The following HECTD4 variants were observed in gnomAD, a reference collection of about 807,000 sequenced individuals.
The protein encoded by HECTD4 is HECT domain E3 ubiquitin protein ligase 4.
In HECTD4, 114 loss-of-function variants were observed where a neutral mutation model predicts 471.5. The ratio of observed to expected loss-of-function variants is 0.24; its 90% CI spans 0.21 to 0.28. The LOEUF is 0.28. HECTD4 is among the 10% of genes least tolerant of loss of function. HECTD4 has a pLI of 1.00. For synonymous variants in HECTD4, 2,012 were observed against 2,256.0 expected (o/e 0.89, Z 3.07); for missense variants, 3,866 against 5,651.5 (o/e 0.68, Z 10.13).
chr12:112,168,005 G>A, intron 70 of HECTD4, 88 bp from the exon 71 acceptor site: 3 of 1,089,482 alleles, frequency 2.8e-6, no homozygotes, highest in Non-Finnish European at 4.2e-6. Context: ...GGCTGGAGCG[G>A]CTACTCCTTC....
intron 4 of HECTD4, among the ~76,000 whole-genome samples, chr12:112,310,707 A>G (rs2035353738): frequency 6.6e-6 from 1 of 152,228 alleles, no homozygotes; most frequent in Admixed American, 6.5e-5. Flanking sequence ...AAAATTTGTT[A>G]AAGTGGGTAA....
At chr12:112,332,052 C>T (rs971059638) in intron 1 of HECTD4, among the ~76,000 whole-genome samples, 2 of 151,878 alleles carry the variant, frequency 1.3e-5, no homozygotes, top group South Asian at 2.1e-4. Flanking sequence ...ACAGAAGAGA[C>T]GGGTGGGAAG....
intron 5 of HECTD4, 105 bp from the exon 6 acceptor site, chr12:112,308,996 G>A: frequency 1.7e-6 from 2 of 1,159,422 alleles, no homozygotes; most frequent in Non-Finnish European, 2.4e-6. Flanking sequence ...TTTAAAAAAT[G>A]AGTAAGTATG....
rs2033481286 is a variant in HECTD4 at position 112,235,572 on chromosome 12, T to C, written c.5657A>G (p.Asp1886Gly). The C allele has an allele frequency of 1.2e-6, 2 of 1,613,960 alleles. No homozygotes were observed. Among genetic ancestry groups the C allele is most frequent in the Non-Finnish European group, 1.7e-6 (2 of 1,179,878 alleles). The change falls in exon 36 of 76, where the codon GAT becomes GGT. Residue 1886 changes from aspartate to glycine, a missense_variant. Around this residue, in one of 16 missense-constraint regions of HECTD4, gnomAD observed 617 missense variants for 915.1 expected, o/e 0.67. Transcript: ENST00000682272. This position sits in a 1 kb window ranked among gnomAD's most constrained non-coding sequence, Gnocchi z 5.0. ...SVPSLNSEQE[D>G]PSDPASKIAS... ...GATCTTGGAAGCTGGGTCGCTGGGA[T>C]CCTCCTGCTCACTGTTTAAGGAGGG...
chr12:112,268,688 G>A (rs943637450), intron 13 of HECTD4, among the ~76,000 whole-genome samples: 5 of 151,260 alleles, frequency 3.3e-5, no homozygotes, highest in Non-Finnish European at 7.4e-5. Flanking sequence ...GCCAGGAGGC[G>A]GAGATTGCGG....
intron 7 of HECTD4, among the ~76,000 whole-genome samples, chr12:112,289,838 A>T (rs1020440330): frequency 3.3e-5 from 5 of 151,938 alleles, no homozygotes; most frequent in Non-Finnish European, 1.5e-5. Flanking sequence ...CACCACGCCC[A>T]GCTAATTTTT....
rs2033017968 is a variant in HECTD4, at chr12:112,219,172, G to A, written c.7074+214C>T. On this transcript the variant is annotated intron_variant, in intron 45 of 75. Transcript: ENST00000682272. ...ATAAATTATGAAGTTTCGCTCCCCT[G>A]CTATAATTTTCCAATATTCAGAATG... Among the ~76,000 whole-genome samples, 3 of 152,204 alleles carry A rather than the reference G, an allele frequency of 2.0e-5. No homozygotes were observed. The South Asian group carries it at 6.2e-4, about 32-fold the overall frequency.
rs943083042 is a variant in HECTD4 at position 112,179,933 on chromosome 12, A to C, written c.10988-536T>G. Among the ~76,000 whole-genome samples the C allele has an allele frequency of 6.6e-6, 1 of 152,234 alleles. No individual in the cohort carries two copies. The highest frequency in any genetic ancestry group is 1.5e-5 in the Non-Finnish European group (1 of 68,020). On this transcript the variant is annotated intron_variant, in intron 62 of 75. Coordinates refer to ENST00000682272, the MANE Select transcript of HECTD4 (RefSeq NM_001388303.1). This position sits in a 1 kb window ranked among gnomAD's most constrained non-coding sequence, Gnocchi z 4.3. ...AACTGGCGCAATGAGCAGGTGAAAA[A>C]GAGTTTTCTGAGATACAAAAAAACT...
chr12:112,207,817 C>T (rs2032637438), intron 52 of HECTD4, 57 bp downstream of exon 52: 2 of 1,580,016 alleles, frequency 1.3e-6, no homozygotes, highest in Non-Finnish European at 1.7e-6. Flanking sequence ...GATTTTCATC[C>T]AGCTCCTCAC....
At chr12:112,165,496 C>T (rs899188281) in intron 72 of HECTD4, among the ~76,000 whole-genome samples, 25 of 151,720 alleles carry the variant, frequency 1.6e-4, no homozygotes, top group Admixed American at 1.5e-3. Flanking sequence ...GGACTACAGG[C>T]GCCCGCCACC....
chr12:112,289,589 T>C (rs2034832261), intron 7 of HECTD4, among the ~76,000 whole-genome samples: 1 of 152,170 alleles, frequency 6.6e-6, no homozygotes, highest in Non-Finnish European at 1.5e-5. Context: ...GGTTTTTTTT[T>C]CTAATGATAA....
chr12:112,172,380 A>G (rs2031258606), intron 67 of HECTD4, among the ~76,000 whole-genome samples: 1 of 152,256 alleles, frequency 6.6e-6, no homozygotes, highest in African/African-American at 2.4e-5. Flanking sequence ...CGGGGCCTCC[A>G]GGCAGCGGCC....
intron 19 of HECTD4, 111 bp downstream of exon 19, chr12:112,259,001 G>T: frequency 3.3e-6 from 3 of 896,916 alleles, no homozygotes; most frequent in African/African-American, 1.7e-5. Context: ...TATTTCCCTT[G>T]GTTTCTGAAA....
rs748477556 is a variant in HECTD4 at position 112,235,317 on chromosome 12, C to T, written c.5726-51G>A. On this transcript the variant is annotated intron_variant, in intron 36 of 75. Coordinates refer to ENST00000682272, the MANE Select transcript of HECTD4 (RefSeq NM_001388303.1). The surrounding 1 kb of genome is among the most constrained non-coding windows in gnomAD (Gnocchi z 5.0). ...CAGGAAAACTGCAGTGTTGTTTTGGCGGCTCTGCTAAAATGAAAAATAATG... is the reference window on the plus strand; with the variant it reads ...CAGGAAAACTGCAGTGTTGTTTTGGTGGCTCTGCTAAAATGAAAAATAATG... 1.2e-4 allele frequency: 182 copies of T among 1,560,914 alleles called. 1 individual carries two copies. The highest frequency in any genetic ancestry group is 1.4e-4 in the Non-Finnish European group (164 of 1,150,622).
chr12:112,334,637 C>CAAAAAAAAAAAAAAA, intron 1 of HECTD4, among the ~76,000 whole-genome samples: 1 of 45,264 alleles, frequency 2.2e-5, no homozygotes. Flanking sequence ...ACTAAAAATA[C>CAAAAAAAAAAAAAAA]AAAAAAAAAA....
intron 1 of HECTD4, among the ~76,000 whole-genome samples, chr12:112,348,592 A>G (rs2036197058): frequency 6.6e-6 from 1 of 152,084 alleles, no homozygotes; most frequent in African/African-American, 2.4e-5. Context: ...CCCTGTCTCT[A>G]TAAAAAAAAA....
chr12:112,286,243 G>A (rs943817089), intron 7 of HECTD4, among the ~76,000 whole-genome samples: 8 of 152,280 alleles, frequency 5.3e-5, no homozygotes, highest in African/African-American at 1.9e-4. Context: ...AAGCAGCCCA[G>A]GCTTCCTTCC....
chr12:112,340,482 G>T (rs971030173), intron 1 of HECTD4, among the ~76,000 whole-genome samples: 3 of 152,166 alleles, frequency 2.0e-5, no homozygotes, highest in Non-Finnish European at 4.4e-5. Context: ...TGTCTTCCAG[G>T]TGGCATCTGG....
chr12:112,298,881 CA>C lies in HECTD4; in HGVS notation c.1335+7182del, dbSNP rs374274010. 4.0e-3 allele frequency among the ~76,000 whole-genome samples: 359 copies of C among 90,264 alleles called. 5 individuals are homozygous for C. Among genetic ancestry groups the C allele is most frequent in the East Asian group, 0.031 (140 of 4,506 alleles). The allele number at this position is 90,264 out of a possible 152,430, so 59.2% of individuals were successfully genotyped here. A position where few individuals can be genotyped will look rare whatever the true frequency, so the allele number is the denominator to read the frequency against. On this transcript the variant is annotated intron_variant, in intron 7 of 75. Coordinates refer to ENST00000682272, the MANE Select transcript of HECTD4 (RefSeq NM_001388303.1). Reference sequence around the variant, plus strand: ...TGGGTGACAGAGTGAGACTCCATCTCAAAAAAAAAAAAAAAACACAAAGTGC... The same window carrying C: ...TGGGTGACAGAGTGAGACTCCATCTCAAAAAAAAAAAAAAACACAAAGTGC...
Sources: gnomAD v4.1 joint callset for allele counts (sites outside exome capture counted in the v4.1 genomes callset) on GRCh38, gnomAD v4.1.1 for gene constraint, gnomAD v4.1.1 regional missense constraint, Gnocchi (gnomAD v3.1) non-coding constraint, MANE v1.5 for transcripts, NCBI Gene and HGNC (gene_info 2026-07-23, HGNC 2026-07-21) for gene names.